The following HEMK2 variants were observed in gnomAD, a reference collection of about 807,000 sequenced individuals.
HEMK2 encodes methyltransferase HEMK2.
At chr21:28,614,866 C>T in the HEMK2 span, among the ~76,000 whole-genome samples, 2 of 152,148 alleles carry the variant, frequency 1.3e-5, no homozygotes, top group Non-Finnish European at 2.9e-5. Context: ...GTTTCAAAAC[C>T]CTTCAGAGCA....
the HEMK2 span, chr21:28,883,141 GTGTT>G: frequency 3.9e-6 from 4 of 1,036,274 alleles, no homozygotes; most frequent in Non-Finnish European, 4.2e-6. Flanking sequence ...TCTCATGCTA[GTGTT>G]ATTTCTAGCA....
At chr21:28,868,665 C>CA in the HEMK2 span, among the ~76,000 whole-genome samples, 1 of 152,212 alleles carries the variant, frequency 6.6e-6, no homozygotes, top group South Asian at 2.1e-4. Context: ...GCCTGGGTGA[C>CA]AGAGCAAGAC....
the HEMK2 span, among the ~76,000 whole-genome samples, chr21:28,790,153 C>T: frequency 6.6e-6 from 1 of 152,114 alleles, no homozygotes; most frequent in Non-Finnish European, 1.5e-5. Context: ...TAATTTGAAG[C>T]AATGAACTAC....
the HEMK2 span, among the ~76,000 whole-genome samples, chr21:28,631,855 T>TA: frequency 1.3e-5 from 2 of 152,148 alleles, no homozygotes; most frequent in African/African-American, 4.8e-5. Context: ...TTTTATCACT[T>TA]ACAGTTGCCC....
chr21:28,651,193 T>A, the HEMK2 span, among the ~76,000 whole-genome samples: 1 of 152,316 alleles, frequency 6.6e-6, no homozygotes, highest in Non-Finnish European at 1.5e-5. Context: ...AGCTGTCAAA[T>A]ACCAGTCACT....
chr21:28,759,013 G>A, the HEMK2 span, among the ~76,000 whole-genome samples: 1 of 152,174 alleles, frequency 6.6e-6, no homozygotes, highest in Non-Finnish European at 1.5e-5. Context: ...CACAATAAAT[G>A]GATAGGTGCC....
the HEMK2 span, among the ~76,000 whole-genome samples, chr21:28,725,413 G>GGGATACA: frequency 6.6e-6 from 1 of 152,140 alleles, no homozygotes. Flanking sequence ...TAAACTAAAA[G>GGGATACA]GGATACATTC....
At chr21:28,761,334 GA>G in the HEMK2 span, among the ~76,000 whole-genome samples, 1 of 151,954 alleles carries the variant, frequency 6.6e-6, no homozygotes. Context: ...CTGTGAGTAA[GA>G]AATTATCCAA....
the HEMK2 span, among the ~76,000 whole-genome samples, chr21:28,675,311 A>G: frequency 6.6e-6 from 1 of 152,240 alleles, no homozygotes; most frequent in African/African-American, 2.4e-5. Flanking sequence ...ATCCTAAAAG[A>G]TAATAAATGA....
chr21:28,587,036 A>C, the HEMK2 span, among the ~76,000 whole-genome samples: 1 of 152,250 alleles, frequency 6.6e-6, no homozygotes, highest in Non-Finnish European at 1.5e-5. Context: ...ATTTATGATT[A>C]CAAAAAACTA....
chr21:28,835,250 G>A, the HEMK2 span, among the ~76,000 whole-genome samples: 2 of 151,972 alleles, frequency 1.3e-5, no homozygotes, highest in Non-Finnish European at 2.9e-5. Flanking sequence ...TGCACCCCAC[G>A]CCCCCTCCAC....
the HEMK2 span, among the ~76,000 whole-genome samples, chr21:28,849,788 C>G: frequency 2.0e-5 from 3 of 152,098 alleles, no homozygotes; most frequent in African/African-American, 7.2e-5. Flanking sequence ...TATTGAAGAC[C>G]AGTTCTCCAA....
At chr21:28,778,032 C>T in the HEMK2 span, among the ~76,000 whole-genome samples, 1 of 152,264 alleles carries the variant, frequency 6.6e-6, no homozygotes, top group Admixed American at 6.5e-5. Context: ...TTTTAATTGA[C>T]AAATATACAT....
chr21:28,811,508 T>A, the HEMK2 span, among the ~76,000 whole-genome samples: 1 of 152,080 alleles, frequency 6.6e-6, no homozygotes, highest in Non-Finnish European at 1.5e-5. Context: ...AAGGCTGATA[T>A]ATATTTAACA....
the HEMK2 span, among the ~76,000 whole-genome samples, chr21:28,656,213 C>T: frequency 6.6e-6 from 1 of 152,014 alleles, no homozygotes; most frequent in African/African-American, 2.4e-5. Context: ...GTTCAAGAAA[C>T]TGACACAACC....
the HEMK2 span, among the ~76,000 whole-genome samples, chr21:28,683,030 A>G: frequency 6.6e-6 from 1 of 152,090 alleles, no homozygotes; most frequent in Non-Finnish European, 1.5e-5. Flanking sequence ...CGTTGTGCAC[A>G]TGTACCCTAA....
the HEMK2 span, chr21:28,874,324 G>A: frequency 6.6e-6 from 1 of 152,238 alleles, no homozygotes; most frequent in African/African-American, 2.4e-5. Flanking sequence ...TCTGTATCCA[G>A]AGTAAGATCT....
At chr21:28,647,243 T>C in the HEMK2 span, among the ~76,000 whole-genome samples, 1 of 140,564 alleles carries the variant, frequency 7.1e-6, no homozygotes, top group Non-Finnish European at 1.5e-5. Context: ...CCCAGCACTT[T>C]GGGAGGCTGA....
the HEMK2 span, among the ~76,000 whole-genome samples, chr21:28,732,043 T>C: frequency 6.6e-6 from 1 of 152,242 alleles, no homozygotes; most frequent in Non-Finnish European, 1.5e-5. Flanking sequence ...TGAGACAAGA[T>C]ACTTGCTTTC....
Sources: gnomAD v4.1 joint callset for allele counts (sites outside exome capture counted in the v4.1 genomes callset) on GRCh38, gnomAD v4.1.1 for gene constraint, MANE v1.5 for transcripts, NCBI Gene and HGNC (gene_info 2026-07-23, HGNC 2026-07-21) for gene names.